The following FTCDNL1 variants were observed in gnomAD, a reference collection of about 807,000 sequenced individuals.
FTCDNL1 encodes the protein formiminotransferase cyclodeaminase N-terminal like.
FTCDNL1 carries 11 observed loss-of-function variants against 5.9 expected under a neutral mutation model. That is an observed-to-expected ratio of 1.87 (90% CI 1.18 to 3.10). FTCDNL1 has a LOEUF of 3.10. FTCDNL1 is among the 30% of genes most tolerant of loss of function. The probability of loss-of-function intolerance (pLI) is 0.00; values close to 1 mark genes in which losing one functional copy is unlikely to be tolerated. For synonymous variants in FTCDNL1, 58 were observed against 24.8 expected (o/e 2.34, Z -3.99); for missense variants, 115 against 65.5 (o/e 1.76, Z -2.61).
At chr2:199,665,238 T>C in the FTCDNL1 span, among the ~76,000 whole-genome samples, 1 of 152,270 alleles carries the variant, frequency 6.6e-6, no homozygotes, top group Non-Finnish European at 1.5e-5. Flanking sequence ...AGATACACCT[T>C]TGCTTCAGCC....
chr2:199,838,168 G>A (rs1011658798), intron 3 of FTCDNL1, among the ~76,000 whole-genome samples: 1 of 152,202 alleles, frequency 6.6e-6, no homozygotes, highest in Non-Finnish European at 1.5e-5. Flanking sequence ...AGAAGCATCA[G>A]GGTCCACAGT....
At chr2:199,773,766 C>A (rs1361095108) in intron 3 of FTCDNL1, among the ~76,000 whole-genome samples, 1 of 152,186 alleles carries the variant, frequency 6.6e-6, no homozygotes, top group East Asian at 1.9e-4. Flanking sequence ...GTCACATCCC[C>A]CCAACTACTA....
chr2:199,845,961 AC>A, intron 3 of FTCDNL1, 113 bp downstream of exon 3: 1 of 501,626 alleles, frequency 2.0e-6, no homozygotes, highest in Non-Finnish European at 3.5e-6. Context: ...TAGACTCTTT[AC>A]TTAATAGAGG....
chr2:199,742,291 T>C, the FTCDNL1 span, among the ~76,000 whole-genome samples: 1 of 152,134 alleles, frequency 6.6e-6, no homozygotes, highest in African/African-American at 2.4e-5. Context: ...TTCTTTCCCC[T>C]GGCCCTGTGG....
In FTCDNL1 at chr2:199,811,361, T is replaced by G. The variant is rs539401378; in HGVS notation, c.*1344A>C. 1.4e-4 allele frequency among the ~76,000 whole-genome samples: 21 copies of G among 152,332 alleles called. No homozygotes were observed. The highest frequency in any genetic ancestry group is 5.1e-4 in the African/African-American group (21 of 41,572). On this transcript the variant is annotated 3_prime_UTR_variant, in exon 5 of 5. Coordinates refer to ENST00000420128, the MANE Select transcript of FTCDNL1 (RefSeq NM_001363886.2). ...AAGTCATGTTACAAATAGCCTTATGTCCTAAAATCTAATGTACTTATCCTA... is the reference window on the plus strand; with the variant it reads ...AAGTCATGTTACAAATAGCCTTATGGCCTAAAATCTAATGTACTTATCCTA...
downstream of FTCDNL1, among the ~76,000 whole-genome samples, chr2:199,758,865 ATTGT>A (rs1574428243): frequency 6.6e-6 from 1 of 152,140 alleles, no homozygotes; most frequent in East Asian, 1.9e-4. Flanking sequence ...GTGTCAAAAC[ATTGT>A]TTGTACTGGA....
intron 3 of FTCDNL1, among the ~76,000 whole-genome samples, chr2:199,840,799 A>T (rs979832203): frequency 3.3e-5 from 5 of 152,108 alleles, no homozygotes; most frequent in African/African-American, 4.8e-5. Context: ...ATAAAAACAA[A>T]TAGAAAGAGA....
intron 3 of FTCDNL1, among the ~76,000 whole-genome samples, chr2:199,772,476 G>A (rs975058433): frequency 6.6e-6 from 1 of 152,092 alleles, no homozygotes; most frequent in Non-Finnish European, 1.5e-5. Context: ...CATTTCCAAG[G>A]TATGACATAT....
rs1441908454 is a variant in FTCDNL1 at position 199,848,976 on chromosome 2, T to G, written c.-7-7A>C. On this transcript the variant is annotated splice_region_variant and splice_polypyrimidine_tract_variant and intron_variant, in intron 1 of 4. Transcript: ENST00000420128. ...GGAAGAAGACATGATTTTTCTGGAA[T>G]AGGAGAAAAATTTTTATGTGTCTCT... is the stretch of plus-strand genomic sequence containing the variant. The G allele has an allele frequency of 1.4e-6, 1 of 698,468 alleles. No individual in the cohort carries two copies. The highest frequency in any genetic ancestry group is 2.6e-6 in the Non-Finnish European group (1 of 383,922). 43.3% of individuals were successfully genotyped at this position (698,468 alleles called of 1,614,324 possible).
chr2:199,789,155 T>G lies in FTCDNL1; in HGVS notation c.212-28320A>C, dbSNP rs1404068426. On this transcript the variant is annotated intron_variant, in intron 3 of 3. Coordinates refer to the FTCDNL1 transcript ENST00000416668. ...TGAATTTATTTTATATTACAGCAAT[T>G]ACACCAAAACCTATGAAAGATGGTA... Among the ~76,000 whole-genome samples, 6 of 152,028 alleles carry G rather than the reference T, an allele frequency of 3.9e-5. No homozygotes were observed. The East Asian group carries it at 1.2e-3, about 29-fold the overall frequency.
the FTCDNL1 span, among the ~76,000 whole-genome samples, chr2:199,694,089 A>G: frequency 6.6e-6 from 1 of 152,148 alleles, no homozygotes; most frequent in African/African-American, 2.4e-5. Context: ...AAAGGAAAGA[A>G]ATGTGAGAAA....
intron 1 of FTCDNL1, among the ~76,000 whole-genome samples, chr2:199,849,897 T>C (rs1306351944): frequency 6.6e-6 from 1 of 152,212 alleles, no homozygotes; most frequent in African/African-American, 2.4e-5. Flanking sequence ...TGAGGGTCTT[T>C]TTCTGACAGG....
downstream of FTCDNL1, among the ~76,000 whole-genome samples, chr2:199,758,580 C>T (rs958251350): frequency 3.3e-5 from 5 of 152,190 alleles, no homozygotes; most frequent in East Asian, 1.9e-4. Context: ...ATGCACACAC[C>T]GCATCTCCCA....
At chr2:199,672,664 A>G in the FTCDNL1 span, among the ~76,000 whole-genome samples, 1 of 152,048 alleles carries the variant, frequency 6.6e-6, no homozygotes, top group African/African-American at 2.4e-5. Flanking sequence ...CTGGCTGGAA[A>G]GATTCAGACA....
intron 3 of FTCDNL1, among the ~76,000 whole-genome samples, chr2:199,767,949 A>C (rs985363887): frequency 2.0e-5 from 3 of 152,246 alleles, no homozygotes; most frequent in Admixed American, 1.3e-4. Context: ...GTTTTATTTC[A>C]ATGAATTAAA....
rs1701566706 is a variant in FTCDNL1, at chr2:199,819,659, T to A, written c.310A>T (p.Lys104Ter). 2.8e-6 allele frequency: 2 copies of A among 702,180 alleles called. No homozygotes were observed. 43.5% of individuals were successfully genotyped at this position (702,180 alleles called of 1,614,324 possible). The change falls in exon 4 of 5, where the codon AAG becomes TAG. Residue 104 changes from lysine (K) to a stop codon, truncating the protein, a stop_gained. Transcript: ENST00000420128. LOFTEE classifies it high-confidence loss of function. The part of the protein sequence containing the change: ...PEKRSLVQRR[K>*]QLGWFTRRDF... ...CTCCTCGTGAACCAGCCCAGCTGCT[T>A]CCTTCTCTGCACAAGACTGCGCTTC...
At chr2:199,717,657 G>A in the FTCDNL1 span, among the ~76,000 whole-genome samples, 6 of 151,530 alleles carry the variant, frequency 4.0e-5, no homozygotes, top group Middle Eastern at 3.4e-3. Context: ...GGAACTTAAG[G>A]CTTAGTGGTC....
At chr2:199,738,096 C>T in the FTCDNL1 span, among the ~76,000 whole-genome samples, 1 of 152,162 alleles carries the variant, frequency 6.6e-6, no homozygotes, top group Non-Finnish European at 1.5e-5. Context: ...CCTGCAATTC[C>T]ATAGATGTCT....
the FTCDNL1 span, among the ~76,000 whole-genome samples, chr2:199,710,636 T>C: frequency 6.6e-6 from 1 of 152,268 alleles, no homozygotes; most frequent in East Asian, 1.9e-4. Flanking sequence ...ACCAACAATT[T>C]TGAGATCTTG....
Sources: allele counts gnomAD v4.1 joint callset (sites outside exome capture counted in the v4.1 genomes callset), GRCh38; gene constraint gnomAD v4.1.1; transcripts MANE v1.5; gene names NCBI Gene and HGNC (gene_info 2026-07-23, HGNC 2026-07-21).